KCTD19: variants seen among roughly 807,000 people sequenced by gnomAD.
KCTD19 encodes potassium channel tetramerization domain containing 19, also known as BTB/POZ domain-containing protein KCTD19.
Under a neutral mutation model 103.5 loss-of-function variants are expected in KCTD19, and 67 were observed. The ratio of observed to expected loss-of-function variants is 0.65; its 90% CI spans 0.53 to 0.79. KCTD19 has a LOEUF of 0.79. KCTD19 is among the 30% of genes least tolerant of loss of function. KCTD19 has a pLI of 0.00. For synonymous variants in KCTD19, 439 were observed against 452.2 expected (o/e 0.97, Z 0.37); for missense variants, 980 against 1,136.1 (o/e 0.86, Z 1.98).
intron 2 of KCTD19, among the ~76,000 whole-genome samples, chr16:67,315,409 G>A (rs566788204): frequency 2.0e-4 from 30 of 148,924 alleles, no homozygotes; most frequent in African/African-American, 6.4e-4. Context: ...GGATTCAAGC[G>A]ACACTCCTGC....
chr16:67,315,712 C>T (rs2037005840), intron 2 of KCTD19, among the ~76,000 whole-genome samples: 1 of 152,080 alleles, frequency 6.6e-6, no homozygotes, highest in Non-Finnish European at 1.5e-5. Context: ...AAACTCCCGA[C>T]CTCGTGATCG....
Position 67,294,078 on chromosome 16 carries a change from C to A in KCTD19, c.1684G>T (p.Asp562Tyr). 6.2e-7 allele frequency: 1 copy of A among 1,614,188 alleles called. No individual in the cohort carries two copies. The change falls in exon 12 of 16, where the codon GAT becomes TAT. Residue 562 changes from aspartate to tyrosine, a missense_variant. Transcript: ENST00000304372. Reference protein sequence around the residue: ...KGNLVRSNQMDEAEQYTRPIQ... With the variant: ...KGNLVRSNQMYEAEQYTRPIQ... ...GGCCGAGTGTACTGCTCAGCCTCAT[C>A]CATCTGGTTGGACCTGACCAGGTTT...
At chr16:67,325,725 G>T (rs1045362370) in intron 1 of KCTD19, among the ~76,000 whole-genome samples, 1 of 152,084 alleles carries the variant, frequency 6.6e-6, no homozygotes, top group South Asian at 2.1e-4. Flanking sequence ...GCAGCCTGGC[G>T]ACAGCCCTCA....
In KCTD19 at chr16:67,320,039, C is replaced by G. The variant is rs2037055266; in HGVS notation, c.300+550G>C. On this transcript the variant is annotated intron_variant, in intron 2 of 15. Transcript: ENST00000304372. The surrounding 1 kb of genome is among the most constrained non-coding windows in gnomAD (Gnocchi z 4.0). ...CTCTCAGTGGATAGTAAATCCCATT[C>G]TGGGTCCATGGTGGCTGCTAGTCTA... is the stretch of plus-strand genomic sequence containing the variant. 6.6e-6 allele frequency among the ~76,000 whole-genome samples: 1 copy of G among 152,218 alleles called. No individual in the cohort carries two copies. Among genetic ancestry groups the G allele is most frequent in the Non-Finnish European group, 1.5e-5 (1 of 68,032 alleles).
At chr16:67,314,836 G>GAGAT (rs1567453767) in intron 2 of KCTD19, among the ~76,000 whole-genome samples, 2 of 109,526 alleles carry the variant, frequency 1.8e-5, no homozygotes, top group Non-Finnish European at 3.6e-5. Context: ...TATATAGAGA[G>GAGAT]AGAGAGAGAG....
At chr16:67,298,080 G>A (rs369961877) in intron 6 of KCTD19, among the ~76,000 whole-genome samples, 13 of 149,294 alleles carry the variant, frequency 8.7e-5, no homozygotes, top group African/African-American at 2.2e-4. Context: ...TGCAAGCTCC[G>A]CCTCCAGGGT....
intron 2 of KCTD19, among the ~76,000 whole-genome samples, chr16:67,306,242 C>T (rs1174811845): frequency 6.6e-6 from 1 of 152,184 alleles, no homozygotes; most frequent in Non-Finnish European, 1.5e-5. Flanking sequence ...GTTTCTGGAC[C>T]TCCAGGAACC....
intron 15 of KCTD19, among the ~76,000 whole-genome samples, chr16:67,290,278 C>T (rs1387801567): frequency 1.4e-5 from 2 of 145,542 alleles, no homozygotes; most frequent in Admixed American, 7.1e-5. Context: ...CCCGGGTTTA[C>T]GCCATTCTCC....
At chr16:67,319,688 T>TATAATAATAATAATAATA (rs34930442) in intron 2 of KCTD19, among the ~76,000 whole-genome samples, 3 of 148,300 alleles carry the variant, frequency 2.0e-5, no homozygotes, top group African/African-American at 5.0e-5. Context: ...TTAAAGCTCT[T>TATAATAATAATAATAATA]ATAATAATAA....
Position 67,320,449 on chromosome 16 carries a change from T to C in KCTD19, c.300+140A>G. On this transcript the variant is annotated intron_variant, in intron 2 of 15. Transcript: ENST00000304372. This position sits in a 1 kb window ranked among gnomAD's most constrained non-coding sequence, Gnocchi z 4.0. ...ACTCACCCCTATACTAATGAGGAAA[T>C]TATTTATTACTTTAACACACTTATT... The C allele has an allele frequency of 1.2e-6, 1 of 820,762 alleles. No individual in the cohort carries two copies. The highest frequency in any genetic ancestry group is 2.0e-6 in the Non-Finnish European group (1 of 510,446). The allele number at this position is 820,762 out of a possible 1,614,324, so 50.8% of individuals were successfully genotyped here.
At chr16:67,295,458 G>T in intron 8 of KCTD19, 53 bp from the exon 9 acceptor site, 1 of 1,555,388 alleles carries the variant, frequency 6.4e-7, no homozygotes, top group Non-Finnish European at 8.8e-7. Context: ...CTTTGCGAAG[G>T]GGCAGGTCAA....
chr16:67,294,761 G>T, intron 10 of KCTD19, 67 bp from the exon 11 acceptor site: 1 of 1,194,072 alleles, frequency 8.4e-7, no homozygotes, highest in Non-Finnish European at 1.3e-6. Flanking sequence ...CAGTTGGTCA[G>T]ATCTGCTCTT....
chr16:67,318,857 GA>G (rs112956210), intron 2 of KCTD19, among the ~76,000 whole-genome samples: 1,876 of 148,288 alleles, frequency 0.013, 53 homozygotes, highest in African/African-American at 0.044. Context: ...TGGGGCAGTT[GA>G]AAAAAAAATT....
At position 67,320,189 on chromosome 16, in the gene KCTD19, C is replaced by T. The variant is rs547653004; in HGVS notation, c.300+400G>A. ...ACTTAGGGAGGCCAATTAGAGAGGA[C>T]GACTTGAGCCCAGGAGTTCAAGACC... On this transcript the variant is annotated intron_variant, in intron 2 of 15. Coordinates refer to ENST00000304372, the MANE Select transcript of KCTD19 (RefSeq NM_001100915.3). This position sits in a 1 kb window ranked among gnomAD's most constrained non-coding sequence, Gnocchi z 4.0. Among the ~76,000 whole-genome samples the T allele has an allele frequency of 1.4e-4, 21 of 152,090 alleles. No individual in the cohort carries two copies. The South Asian group carries it at 1.9e-3, about 14-fold the overall frequency.
intron 1 of KCTD19, among the ~76,000 whole-genome samples, chr16:67,325,297 C>T (rs1216028245): frequency 6.6e-6 from 1 of 150,986 alleles, no homozygotes; most frequent in African/African-American, 2.4e-5. Context: ...CTCCACCTCC[C>T]GGGTTTACGC....
intron 1 of KCTD19, among the ~76,000 whole-genome samples, chr16:67,322,404 T>G (rs1182372757): frequency 6.6e-6 from 1 of 151,816 alleles, no homozygotes; most frequent in African/African-American, 2.4e-5. Flanking sequence ...GTTCACTCCA[T>G]TCTCCTGCCT....
chr16:67,308,165 C>CT (rs2036913031), intron 2 of KCTD19, among the ~76,000 whole-genome samples: 1 of 145,376 alleles, frequency 6.9e-6, no homozygotes, highest in Non-Finnish European at 1.5e-5. Flanking sequence ...TTCCTTCTTT[C>CT]TTTTCTTTTT....
chr16:67,301,902 T>C lies in KCTD19; in HGVS notation c.664A>G (p.Lys222Glu). 2.5e-6 allele frequency: 4 copies of C among 1,613,942 alleles called. No homozygotes were observed. The highest frequency in any genetic ancestry group is 3.4e-6 in the Non-Finnish European group (4 of 1,179,848). ...RFIVNFLRSQKILLPDNFSNI... is the reference protein window; with the variant it reads ...RFIVNFLRSQEILLPDNFSNI... ...GAGAAATTATCCGGTAGTAAAATCT[T>C]CTGTGAGCGAAGAAAATTCACTTGA... Residue 222 changes from lysine to glutamate, a missense_variant, in exon 5 of 16, where the codon AAG becomes GAG. Lys to Glu is a moderately conservative substitution (Grantham distance 56, BLOSUM62 1). Coordinates refer to ENST00000304372, the MANE Select transcript of KCTD19 (RefSeq NM_001100915.3).
rs199535652 is a variant in KCTD19, at chr16:67,291,453, G to A, written c.2421C>T (p.Phe807=). The change falls in exon 14 of 16, where the codon TTC becomes TTT. Residue 807 remains phenylalanine (F), a synonymous_variant. Coordinates refer to ENST00000304372, the MANE Select transcript of KCTD19 (RefSeq NM_001100915.3). ...TASPQPQEVT[F]LSFSLSWEEM... ...CTTCCCAGGACAGAGAGAAACTCAGGAAAGTCACTTCTGTGGAGGAGGGAA... is the reference window on the plus strand; with the variant it reads ...CTTCCCAGGACAGAGAGAAACTCAGAAAAGTCACTTCTGTGGAGGAGGGAA... The A allele has an allele frequency of 5.3e-5, 86 of 1,613,808 alleles. No individual in the cohort carries two copies. The highest frequency in any genetic ancestry group is 7.0e-5 in the Non-Finnish European group (83 of 1,179,876).
Sources: allele counts gnomAD v4.1 joint callset (sites outside exome capture counted in the v4.1 genomes callset), GRCh38; gene constraint gnomAD v4.1.1; non-coding constraint Gnocchi (gnomAD v3.1); transcripts MANE v1.5; gene names NCBI Gene and HGNC (gene_info 2026-07-23, HGNC 2026-07-21).